Variants in ZBTB7C observed in about 807,000 individuals in gnomAD.
ZBTB7C encodes zinc finger and BTB domain containing 7C.
Under a neutral mutation model 25.7 loss-of-function variants are expected in ZBTB7C, and 8 were observed. The ratio of observed to expected loss-of-function variants is 0.31; its 90% CI spans 0.18 to 0.56. ZBTB7C has a LOEUF of 0.56. Ranked by LOEUF, ZBTB7C falls within the 20% of genes least tolerant of loss-of-function variation. The pLI, the probability that ZBTB7C is intolerant of heterozygous loss-of-function variation, is 0.91. For missense variants in ZBTB7C, 824 were observed against 855.2 expected (o/e 0.96, Z 0.46); for synonymous variants, 394 against 369.0 (o/e 1.07, Z -0.78).
At chr18:48,102,172 A>G (rs1036672849) in intron 3 of ZBTB7C, among the ~76,000 whole-genome samples, 2 of 152,234 alleles carry the variant, frequency 1.3e-5, no homozygotes, top group African/African-American at 4.8e-5. Flanking sequence ...TCATCATCAC[A>G]GTTACTGTCA....
intron 1 of ZBTB7C, among the ~76,000 whole-genome samples, chr18:48,342,805 G>A (rs907164403): frequency 2.0e-5 from 3 of 151,924 alleles, no homozygotes; most frequent in Non-Finnish European, 4.4e-5. Context: ...GAGTGGAATG[G>A]GGAGGGCCAG....
In ZBTB7C at chr18:48,274,328, G is replaced by T. The variant is rs527455040; in HGVS notation, c.-79+63846C>A. Among the ~76,000 whole-genome samples, 15 of 152,246 alleles carry T rather than the reference G, an allele frequency of 9.9e-5. No individual in the cohort carries two copies. The East Asian group carries it at 2.9e-3, about 29-fold the overall frequency. ...AGATATTTTGAACTTGAATCTTGTTGTTTTTGTTTTGTCTTGTTTTGTTTT... is the reference window on the plus strand; with the variant it reads ...AGATATTTTGAACTTGAATCTTGTTTTTTTTGTTTTGTCTTGTTTTGTTTT... On this transcript the variant is annotated intron_variant, in intron 2 of 4. Transcript: ENST00000590800.
chr18:48,407,322 A>G (rs1469314315), intron 1 of ZBTB7C, among the ~76,000 whole-genome samples: 1 of 152,256 alleles, frequency 6.6e-6, no homozygotes, highest in Admixed American at 6.5e-5. Flanking sequence ...GCATTGTGTT[A>G]CAAAAGGAGT....
intron 3 of ZBTB7C, chr18:48,150,696 G>C (rs2040650246): frequency 6.6e-6 from 1 of 152,086 alleles, no homozygotes; most frequent in Non-Finnish European, 1.5e-5. Context: ...TGTAGATGCT[G>C]TTTCCGGGAA....
intron 3 of ZBTB7C, among the ~76,000 whole-genome samples, chr18:48,151,645 G>A (rs1568260079): frequency 2.0e-5 from 3 of 152,272 alleles, no homozygotes; most frequent in South Asian, 2.1e-4. Flanking sequence ...CATGGGCCAG[G>A]GCGTTTTGCC....
chr18:48,183,450 T>C (rs566759809), intron 3 of ZBTB7C, among the ~76,000 whole-genome samples: 21 of 152,362 alleles, frequency 1.4e-4, no homozygotes, highest in South Asian at 1.2e-3. Context: ...CGATACTGTC[T>C]GTTAAGAATA....
intron 3 of ZBTB7C, among the ~76,000 whole-genome samples, chr18:48,094,404 G>C (rs2038538840): frequency 6.6e-6 from 1 of 152,186 alleles, no homozygotes; most frequent in African/African-American, 2.4e-5. Context: ...ATGTGTCTTA[G>C]GGAAAGTAAC....
chr18:48,094,777 A>T (rs2038552452), intron 3 of ZBTB7C, among the ~76,000 whole-genome samples: 1 of 152,134 alleles, frequency 6.6e-6, no homozygotes, highest in South Asian at 2.1e-4. Flanking sequence ...ATATGCATTT[A>T]CTTCTTAAGT....
In ZBTB7C at chr18:48,351,583, C is replaced by A. The variant is rs189315083; in HGVS notation, c.-303-13185G>T. On this transcript the variant is annotated intron_variant, in intron 1 of 4. Coordinates refer to ENST00000590800, the MANE Select transcript of ZBTB7C (RefSeq NM_001318841.2). Reference sequence around the variant, plus strand: ...TTGGGTTTCCAATGGCCCAGCTGCACCGTGTTAAGAAAAACGCCGTTTTCC... The same window carrying A: ...TTGGGTTTCCAATGGCCCAGCTGCAACGTGTTAAGAAAAACGCCGTTTTCC... Among the ~76,000 whole-genome samples, 5 of 152,328 alleles carry A rather than the reference C, an allele frequency of 3.3e-5. No individual in the cohort carries two copies. In the East Asian group the frequency reaches 9.6e-4, roughly 29 times the overall value.
intron 1 of ZBTB7C, among the ~76,000 whole-genome samples, chr18:48,361,153 C>T (rs115714212): frequency 0.013 from 2,030 of 152,168 alleles, 26 homozygotes; most frequent in Non-Finnish European, 0.021. Context: ...CATCTCCCTG[C>T]GTCAGGCCAA....
chr18:48,060,097 C>G (rs979300668), intron 3 of ZBTB7C, among the ~76,000 whole-genome samples: 8 of 152,026 alleles, frequency 5.3e-5, no homozygotes, highest in African/African-American at 1.9e-4. Flanking sequence ...ACCAAAGATA[C>G]AATTATAATG....
At chr18:48,071,842 A>G (rs2037554644) in intron 3 of ZBTB7C, among the ~76,000 whole-genome samples, 3 of 152,244 alleles carry the variant, frequency 2.0e-5, no homozygotes, top group South Asian at 4.1e-4. Flanking sequence ...CTGCTACCAC[A>G]TGCGTGAACT....
intron 3 of ZBTB7C, among the ~76,000 whole-genome samples, chr18:48,105,068 C>A (rs553621124): frequency 6.6e-6 from 1 of 152,220 alleles, no homozygotes; most frequent in Non-Finnish European, 1.5e-5. Flanking sequence ...GCTGCCCCCA[C>A]GGGGTTAAAC....
chr18:48,048,021 G>A (rs4340387), intron 3 of ZBTB7C, among the ~76,000 whole-genome samples: 1 of 152,044 alleles, frequency 6.6e-6, no homozygotes, highest in East Asian at 1.9e-4. Context: ...CTGCCCCCTG[G>A]GAAGTCCAAT....
rs1266919637 is a variant in ZBTB7C, at chr18:48,068,138, C to CTT, written c.-16-27017_-16-27016dup. ...GCACTCAAACTTGAGCCTTGTAAGT[C>CTT]TTTTTTTTTTTTTTTTTTGAGATGG... On this transcript the variant is annotated intron_variant, in intron 3 of 4. Coordinates refer to ENST00000590800, the MANE Select transcript of ZBTB7C (RefSeq NM_001318841.2). Among the ~76,000 whole-genome samples, 340 of 124,940 alleles carry CTT rather than the reference C, an allele frequency of 2.7e-3. 4 individuals carry two copies. Among genetic ancestry groups the CTT allele is most frequent in the Middle Eastern group, 8.5e-3 (2 of 236 alleles). 82.0% of individuals were successfully genotyped at this position (124,940 alleles called of 152,430 possible).
At chr18:48,289,850 A>G (rs1156474599) in intron 2 of ZBTB7C, among the ~76,000 whole-genome samples, 11 of 152,144 alleles carry the variant, frequency 7.2e-5, no homozygotes, top group Non-Finnish European at 1.5e-5. Context: ...GAAAAGTCCT[A>G]GAAGGGTGCA....
chr18:48,083,973 T>C, intron 3 of ZBTB7C: 2 of 802,862 alleles, frequency 2.5e-6, no homozygotes, highest in Non-Finnish European at 3.0e-6. Flanking sequence ...TCCAGGGTCG[T>C]CGCAGGGACA....
At position 48,141,816 on chromosome 18, in the gene ZBTB7C, G is replaced by A. The variant is rs929382487; in HGVS notation, c.-17+44118C>T. Among the ~76,000 whole-genome samples the A allele has an allele frequency of 5.3e-5, 8 of 152,096 alleles. No individual in the cohort carries two copies. In the South Asian group the frequency reaches 6.2e-4, roughly 12 times the overall value. The stretch of plus-strand genomic sequence containing the variant: ...AGGGACATGCCAAGCCTCTTCCTTC[G>A]TGGCCCCTCTGGCTTCCTGTCCAAT... On this transcript the variant is annotated intron_variant, in intron 3 of 4. Transcript: ENST00000590800.
chr18:48,361,522 T>C (rs1398861640), intron 1 of ZBTB7C, among the ~76,000 whole-genome samples: 2 of 152,184 alleles, frequency 1.3e-5, no homozygotes, highest in Non-Finnish European at 2.9e-5. Context: ...GCCTAAAACA[T>C]ATCATGGCAT....
Sources: gnomAD v4.1 joint callset for allele counts (sites outside exome capture counted in the v4.1 genomes callset) on GRCh38, gnomAD v4.1.1 for gene constraint, MANE v1.5 for transcripts, NCBI Gene and HGNC (gene_info 2026-07-23, HGNC 2026-07-21) for gene names.